The following IDO1 variants were observed in gnomAD, a reference collection of about 807,000 sequenced individuals.
IDO1 encodes the protein indoleamine 2,3-dioxygenase 1.
IDO1 carries 35 observed loss-of-function variants against 38.8 expected under a neutral mutation model. That is an observed-to-expected ratio of 0.90 (90% CI 0.69 to 1.20). The LOEUF (loss-of-function observed/expected upper bound fraction) is 1.20, where lower values mean the gene tolerates loss of function less well. Among genes scored for constraint, IDO1 ranks in the 50% most tolerant of loss-of-function variants. The pLI is 0.00. For synonymous variants in IDO1, 171 were observed against 170.0 expected (o/e 1.01, Z -0.05); for missense variants, 509 against 485.1 (o/e 1.05, Z -0.46).
At chr8:39,919,730 C>T (rs1486016106) in intron 4 of IDO1, among the ~76,000 whole-genome samples, 1 of 152,120 alleles carries the variant, frequency 6.6e-6, no homozygotes, top group Non-Finnish European at 1.5e-5. Flanking sequence ...GTCCCAGCTA[C>T]ACAGGGAGTT....
In IDO1 at chr8:39,918,960, A is replaced by G. The variant is rs768632299; in HGVS notation, c.422+27A>G. The G allele has an allele frequency of 2.3e-6, 3 of 1,315,432 alleles. No homozygotes were observed. The South Asian group carries it at 3.5e-5, about 15-fold the overall frequency. 81.5% of individuals were successfully genotyped at this position (1,315,432 alleles called of 1,614,324 possible). ...TATGTAAACAGTGATAACAACAGGAATTTTTGGAGTGTGTGCCGATTAAAT... is the reference window on the plus strand; with the variant it reads ...TATGTAAACAGTGATAACAACAGGAGTTTTTGGAGTGTGTGCCGATTAAAT... On this transcript the variant is annotated intron_variant, in intron 4 of 9. Coordinates refer to ENST00000518237, the MANE Select transcript of IDO1 (RefSeq NM_002164.6).
chr8:39,926,122 G>T (rs1205887355), intron 9 of IDO1, among the ~76,000 whole-genome samples: 1 of 152,148 alleles, frequency 6.6e-6, no homozygotes, highest in Non-Finnish European at 1.5e-5. Flanking sequence ...AGGAGGCGGA[G>T]CTTGCAGTGA....
intron 4 of IDO1, among the ~76,000 whole-genome samples, chr8:39,919,310 C>G (rs1359901622): frequency 1.3e-5 from 2 of 152,082 alleles, no homozygotes; most frequent in Non-Finnish European, 2.9e-5. Flanking sequence ...TTTGCCTTAT[C>G]AAAAATTAGA....
chr8:39,917,067 C>T (rs971818643), intron 1 of IDO1, among the ~76,000 whole-genome samples: 2 of 152,138 alleles, frequency 1.3e-5, no homozygotes, highest in African/African-American at 4.8e-5. Context: ...ACAGAGATAA[C>T]TTCTTGGGCC....
At chr8:39,923,406 A>C (rs79284437) in intron 6 of IDO1, 63 bp from the exon 7 acceptor site, 3 of 126,756 alleles carry the variant, frequency 2.4e-5, no homozygotes, top group South Asian at 1.1e-4. Context: ...TCCGTCTCAA[A>C]AAAAAAAAAA....
intron 5 of IDO1, among the ~76,000 whole-genome samples, chr8:39,922,105 A>G (rs1586211714): frequency 6.6e-6 from 1 of 152,162 alleles, no homozygotes; most frequent in East Asian, 1.9e-4. Flanking sequence ...TGTTCAAGTG[A>G]TTCTCCTGCC....
At chr8:39,918,746 C>CA (rs1214540367) in intron 3 of IDO1, 69 bp from the exon 4 acceptor site, 23,146 of 267,950 alleles carry the variant, frequency 0.086, 6 homozygotes, top group South Asian at 0.13. Context: ...GACTCCATCT[C>CA]AAAAAAAAAA....
intron 1 of IDO1, among the ~76,000 whole-genome samples, chr8:39,917,262 G>A (rs1414795593): frequency 3.3e-5 from 5 of 152,150 alleles, no homozygotes; most frequent in South Asian, 2.1e-4. Flanking sequence ...TTGGGAGGCC[G>A]AGGCAGGCAG....
intron 8 of IDO1, among the ~76,000 whole-genome samples, 170 bp downstream of exon 8, chr8:39,924,942 T>G (rs1219846379): frequency 6.6e-6 from 1 of 152,190 alleles, no homozygotes; most frequent in African/African-American, 2.4e-5. Flanking sequence ...AGGAATGTAC[T>G]GGAGTGGGGG....
chr8:39,917,084 A>G (rs1807186047), intron 1 of IDO1, among the ~76,000 whole-genome samples: 1 of 152,256 alleles, frequency 6.6e-6, no homozygotes, highest in African/African-American at 2.4e-5. Flanking sequence ...GGCCATTACA[A>G]TAATTAAATA....
intron 9 of IDO1, 50 bp downstream of exon 9, chr8:39,925,421 T>C: frequency 6.6e-7 from 1 of 1,520,450 alleles, no homozygotes. Context: ...AATACAATAG[T>C]ATTTGGATAT....
At chr8:39,924,816 AG>A (rs749420993) in intron 8 of IDO1, 44 bp downstream of exon 8, 1 of 1,383,778 alleles carries the variant, frequency 7.2e-7, no homozygotes, top group Non-Finnish European at 1.0e-6. Context: ...CACTTAACAA[AG>A]AACACCACCA....
At chr8:39,919,992 C>T in intron 4 of IDO1, 108 bp from the exon 5 acceptor site, 1 of 957,486 alleles carries the variant, frequency 1.0e-6, no homozygotes, top group Non-Finnish European at 1.7e-6. Context: ...TGTCTTACCT[C>T]TGATAGTAGC....
Position 39,924,702 on chromosome 8 carries a change from A to G in IDO1, c.656-19A>G, listed in dbSNP as rs2129592411. On this transcript the variant is annotated intron_variant, in intron 7 of 9. Transcript: ENST00000518237. ...TACCTCTGATGCTGCTTAATTAAACATATTCCATCTTTTTACAGATCATGT... is the reference window on the plus strand; with the variant it reads ...TACCTCTGATGCTGCTTAATTAAACGTATTCCATCTTTTTACAGATCATGT... 1 of 1,573,250 alleles carries G rather than the reference A, an allele frequency of 6.4e-7. No individual in the cohort carries two copies. The highest frequency in any genetic ancestry group is 8.7e-7 in the Non-Finnish European group (1 of 1,144,164).
chr8:39,922,446 C>T (rs1244355989), intron 5 of IDO1, 106 bp from the exon 6 acceptor site: 17 of 736,140 alleles, frequency 2.3e-5, no homozygotes, highest in Non-Finnish European at 3.8e-5. Flanking sequence ...CCTGCCACAC[C>T]TCTCTCATAA....
Position 39,927,871 on chromosome 8 carries a change from C to T in IDO1, c.898C>T (p.Pro300Ser), listed in dbSNP as rs1298278146. 2.5e-6 allele frequency: 4 copies of T among 1,578,516 alleles called. No homozygotes were observed. In the Admixed American group the frequency reaches 5.4e-5, roughly 21 times the overall value. The change falls in exon 10 of 10, where the codon CCA (proline) becomes TCA (serine). Residue 300 changes from proline to serine, a missense_variant. Pro to Ser is a moderately conservative substitution (Grantham distance 74, BLOSUM62 -1). Coordinates refer to ENST00000518237, the MANE Select transcript of IDO1 (RefSeq NM_002164.6). The part of the protein sequence containing the change: ...QFLQDMRRYM[P>S]PAHRNFLCSL... ...CCTCCAGGACATGAGAAGATATATG[C>T]CACCAGCTCACAGGAACTTCCTGTG...
rs753248170 is a variant in IDO1, at chr8:39,917,970, G to A, written c.183G>A (p.Lys61=). 2 of 1,612,350 alleles carry A rather than the reference G, an allele frequency of 1.2e-6. No individual in the cohort carries two copies. Among genetic ancestry groups the A allele is most frequent in the Non-Finnish European group, 1.7e-6 (2 of 1,178,588 alleles). ...ESGQLRERVE[K]LNMLSIDHLT... ...GCCAGCTTCGAGAAAGAGTTGAGAAGGTTTGACATATGTATTACATTTGTC... is the reference window on the plus strand; with the variant it reads ...GCCAGCTTCGAGAAAGAGTTGAGAAAGTTTGACATATGTATTACATTTGTC... Residue 61 remains lysine, a splice_region_variant and synonymous_variant, in exon 2 of 10, where the codon AAG becomes AAA. Coordinates refer to ENST00000518237, the MANE Select transcript of IDO1 (RefSeq NM_002164.6).
chr8:39,918,759 A>AC, intron 3 of IDO1, 56 bp from the exon 4 acceptor site: 1 of 686,980 alleles, frequency 1.5e-6, no homozygotes, highest in Non-Finnish European at 2.4e-6. Context: ...AAAAAAAAAA[A>AC]AAAAAAAAAA....
Position 39,925,370 on chromosome 8 carries a change from A to G in IDO1, c.855A>G (p.Gly285=). The change falls in exon 9 of 10, where the codon GGA becomes GGG. Residue 285 remains glycine (G), a splice_region_variant and synonymous_variant. Transcript: ENST00000518237. ...TGGGCATCCAGCAGACTGCTGGTGG[A>G]GGTGAGTGGAAAATAACAAGAAATA... The part of the protein sequence containing the change: ...VLLGIQQTAG[G]GHAAQFLQDM... 3.1e-6 allele frequency: 5 copies of G among 1,610,314 alleles called. No homozygotes were observed. The highest frequency in any genetic ancestry group is 4.2e-6 in the Non-Finnish European group (5 of 1,178,504).
Sources: allele counts gnomAD v4.1 joint callset (sites outside exome capture counted in the v4.1 genomes callset), GRCh38; gene constraint gnomAD v4.1.1; transcripts MANE v1.5; gene names NCBI Gene and HGNC (gene_info 2026-07-23, HGNC 2026-07-21).